The following ADAMTSL1 variants were observed in gnomAD, a reference collection of about 807,000 sequenced individuals.
ADAMTSL1 encodes ADAMTS-like protein 1.
Under a neutral mutation model 201.8 loss-of-function variants are expected in ADAMTSL1, and 126 were observed. The observed-to-expected ratio is 0.62, with a 90% CI of 0.54 to 0.72. ADAMTSL1 has a LOEUF of 0.72. Among genes scored for constraint, ADAMTSL1 ranks in the 30% least tolerant of loss-of-function variants. The pLI, the probability that ADAMTSL1 is intolerant of heterozygous loss-of-function variation, is 0.00. For missense variants in ADAMTSL1, 2,679 were observed against 2,277.8 expected, an observed-to-expected ratio of 1.18 and a Z score of -3.59; for synonymous variants, 1,121 against 903.4, an observed-to-expected ratio of 1.24 and a Z score of -4.32.
At chr9:18,502,696 C>T (rs1822905937) in intron 1 of ADAMTSL1, among the ~76,000 whole-genome samples, 1 of 152,110 alleles carries the variant, frequency 6.6e-6, no homozygotes, top group Non-Finnish European at 1.5e-5. Context: ...TGCTTTGCCA[C>T]ATTTTATAGG....
intron 1 of ADAMTSL1, among the ~76,000 whole-genome samples, chr9:18,499,587 G>A (rs1056386984): frequency 6.6e-6 from 1 of 152,184 alleles, no homozygotes; most frequent in Non-Finnish European, 1.5e-5. Context: ...TCATCACTGG[G>A]GGAGTTGCCC....
chr9:18,712,729 G>C (rs1443613767), intron 14 of ADAMTSL1, among the ~76,000 whole-genome samples: 20 of 151,850 alleles, frequency 1.3e-4, no homozygotes, highest in African/African-American at 4.4e-4. Flanking sequence ...CCAACATTCA[G>C]ATTCAGGAAA....
intron 2 of ADAMTSL1, among the ~76,000 whole-genome samples, chr9:18,522,802 G>A (rs1818783783): frequency 6.6e-6 from 1 of 151,986 alleles, no homozygotes; most frequent in Non-Finnish European, 1.5e-5. Context: ...ACTATTCCAT[G>A]GTGTATATGC....
At chr9:18,070,028 T>A (rs185916534) in intron 1 of ADAMTSL1, among the ~76,000 whole-genome samples, 1 of 152,328 alleles carries the variant, frequency 6.6e-6, no homozygotes, top group African/African-American at 2.4e-5. Context: ...AATGTCTGCA[T>A]GAGATCTAGA....
chr9:18,863,439 T>A (rs1355796093), intron 23 of ADAMTSL1, among the ~76,000 whole-genome samples: 1 of 152,212 alleles, frequency 6.6e-6, no homozygotes, highest in Non-Finnish European at 1.5e-5. Flanking sequence ...TGGATAGTTT[T>A]ATTTTTCCAG....
chr9:18,131,309 A>C (rs889194728), intron 1 of ADAMTSL1, among the ~76,000 whole-genome samples: 1 of 152,204 alleles, frequency 6.6e-6, no homozygotes, highest in Non-Finnish European at 1.5e-5. Context: ...AAATTATACC[A>C]GTATTTCTAT....
intron 1 of ADAMTSL1, among the ~76,000 whole-genome samples, chr9:17,972,550 A>G (rs1162166048): frequency 9.9e-5 from 15 of 151,510 alleles, no homozygotes; most frequent in Admixed American, 9.9e-4. Context: ...CATTTTCTTA[A>G]TCCAGTCTAC....
At chr9:18,462,355 A>C (rs928919247) in intron 2 of ADAMTSL1, among the ~76,000 whole-genome samples, 1 of 152,330 alleles carries the variant, frequency 6.6e-6, no homozygotes, top group South Asian at 2.1e-4. Flanking sequence ...AGCACTTATT[A>C]TGTGCTGAGC....
chr9:17,939,001 T>C (rs1280474323), intron 1 of ADAMTSL1, among the ~76,000 whole-genome samples: 2 of 152,142 alleles, frequency 1.3e-5, no homozygotes, highest in Non-Finnish European at 2.9e-5. Context: ...CTTATGTTTA[T>C]GGCCTCTCCA....
At chr9:18,190,606 A>G (rs1344196714) in intron 2 of ADAMTSL1, among the ~76,000 whole-genome samples, 3 of 152,214 alleles carry the variant, frequency 2.0e-5, no homozygotes, top group African/African-American at 7.2e-5. Context: ...ACTGAGTCTA[A>G]CAGCAGCTTT....
intron 2 of ADAMTSL1, among the ~76,000 whole-genome samples, chr9:18,310,230 A>C (rs1310988594): frequency 6.6e-6 from 1 of 152,046 alleles, no homozygotes; most frequent in African/African-American, 2.4e-5. Flanking sequence ...AAACCATAAA[A>C]ATCCTAGAAG....
intron 1 of ADAMTSL1, among the ~76,000 whole-genome samples, chr9:18,136,420 G>A (rs1454258336): frequency 6.6e-6 from 1 of 152,042 alleles, no homozygotes; most frequent in Non-Finnish European, 1.5e-5. Context: ...ATGGTATGTA[G>A]GTGTTAGGGC....
intron 1 of ADAMTSL1, among the ~76,000 whole-genome samples, chr9:17,917,087 G>T (rs1015515178): frequency 6.6e-6 from 1 of 151,852 alleles, no homozygotes; most frequent in Non-Finnish European, 1.5e-5. Flanking sequence ...AAATACAATT[G>T]ATTTTATATA....
At chr9:18,896,108 C>G (rs1209434736) in intron 26 of ADAMTSL1, among the ~76,000 whole-genome samples, 2 of 152,060 alleles carry the variant, frequency 1.3e-5, no homozygotes, top group African/African-American at 4.8e-5. Flanking sequence ...TCAAGTGAAC[C>G]AACATATACA....
intron 23 of ADAMTSL1, among the ~76,000 whole-genome samples, chr9:18,885,397 A>T (rs995644161): frequency 3.3e-5 from 5 of 152,234 alleles, no homozygotes; most frequent in African/African-American, 1.2e-4. Context: ...TCTGAACCAT[A>T]GTAGCCTCCT....
intron 1 of ADAMTSL1, among the ~76,000 whole-genome samples, chr9:17,956,792 G>T (rs1311575158): frequency 6.6e-6 from 1 of 152,164 alleles, no homozygotes; most frequent in Admixed American, 6.5e-5. Context: ...TGTATAAGAA[G>T]TTTGTTAATA....
At chr9:17,969,251 C>T (rs1818108335) in intron 1 of ADAMTSL1, among the ~76,000 whole-genome samples, 1 of 152,070 alleles carries the variant, frequency 6.6e-6, no homozygotes, top group South Asian at 2.1e-4. Flanking sequence ...GTAAGCCTTA[C>T]AGGAAATAGG....
chr9:18,590,337 A>G (rs1342675216), intron 4 of ADAMTSL1, among the ~76,000 whole-genome samples: 2 of 151,958 alleles, frequency 1.3e-5, no homozygotes, highest in African/African-American at 2.4e-5. Flanking sequence ...GATCACTTAT[A>G]TTTCTATGGT....
rs545642070 is a variant in ADAMTSL1, at chr9:18,015,395, TAAC to T, written c.87+108477_87+108479del. ...GAGTTAAAATTTAGCCTCTAGCTATTAACAACTCCCTTTCTTCCTATTCCTGCC... is the reference window on the plus strand; with the variant it reads ...GAGTTAAAATTTAGCCTCTAGCTATTAACTCCCTTTCTTCCTATTCCTGCC... On this transcript the variant is annotated intron_variant, in intron 1 of 29. Coordinates refer to the ADAMTSL1 transcript ENST00000680146. Among the ~76,000 whole-genome samples the T allele has an allele frequency of 1.0e-3, 156 of 152,220 alleles. 1 individual carries two copies. The highest frequency in any genetic ancestry group is 3.7e-3 in the African/African-American group (153 of 41,570).
Sources: allele counts gnomAD v4.1 joint callset (sites outside exome capture counted in the v4.1 genomes callset), GRCh38; gene constraint gnomAD v4.1.1; transcripts MANE v1.5; gene names NCBI Gene and HGNC (gene_info 2026-07-23, HGNC 2026-07-21).